Variants in KLC4 observed in about 807,000 individuals in gnomAD.
KLC4 encodes the protein kinesin light chain 4, also known as kinesin-like protein 8.
KLC4 carries 49 observed loss-of-function variants against 77.2 expected under a neutral mutation model. The observed-to-expected ratio is 0.63, with a 90% CI of 0.50 to 0.80. The LOEUF (loss-of-function observed/expected upper bound fraction) is 0.80. Ranked by LOEUF, KLC4 falls within the 30% of genes least tolerant of loss-of-function variation. The pLI, the probability that KLC4 is intolerant of heterozygous loss-of-function variation, is 0.00. For missense variants in KLC4, 669 were observed against 793.5 expected (o/e 0.84, Z 1.89); for synonymous variants, 274 against 314.5 (o/e 0.87, Z 1.36).
At position 43,070,654 on chromosome 6, in the gene KLC4, TATC is replaced by T. The variant is rs369859361; in HGVS notation, c.982-35_982-33del. ...CACGTGTGCTTGTGCACACACATGTTATCATAGCCATTTATCCACTCCTTTGTT... is the reference window on the plus strand; with the variant it reads ...CACGTGTGCTTGTGCACACACATGTTATAGCCATTTATCCACTCCTTTGTT... On this transcript the variant is annotated intron_variant, in intron 7 of 15. Transcript: ENST00000347162. 4,217 of 1,590,274 alleles carry T rather than the reference TATC, an allele frequency of 2.7e-3. 24 individuals are homozygous for T. Among genetic ancestry groups the T allele is most frequent in the African/African-American group, 0.012 (861 of 74,672 alleles).
Position 43,074,948 on chromosome 6 carries a change from G to A in KLC4, c.*276G>A. ...CAAAGCAGGTATGGCCCTCAGAGATGCAGCCTGCTGCTGGCTTTTCAGTCA... is the reference window on the plus strand; with the variant it reads ...CAAAGCAGGTATGGCCCTCAGAGATACAGCCTGCTGCTGGCTTTTCAGTCA... On this transcript the variant is annotated 3_prime_UTR_variant, in exon 16 of 16. Coordinates refer to ENST00000347162, the MANE Select transcript of KLC4 (RefSeq NM_201521.3). The A allele has an allele frequency of 2.3e-6, 1 of 438,590 alleles. No individual in the cohort carries two copies. The highest frequency in any genetic ancestry group is 6.2e-4 in the Middle Eastern group (1 of 1,612). The allele number at this position is 438,590 out of a possible 1,614,324, so 27.2% of individuals were successfully genotyped here. A position where few individuals can be genotyped will look rare whatever the true frequency, so the allele number is the denominator to read the frequency against.
Position 43,067,062 on chromosome 6 carries a change from C to T in KLC4, c.858C>T (p.Thr286=). 6.2e-7 allele frequency: 1 copy of T among 1,614,070 alleles called. No individual in the cohort carries two copies. The highest frequency in any genetic ancestry group is 8.5e-7 in the Non-Finnish European group (1 of 1,179,986). The change falls in exon 6 of 16, where the codon ACC becomes ACT. Residue 286 remains threonine (T), a synonymous_variant. Coordinates refer to ENST00000347162, the MANE Select transcript of KLC4 (RefSeq NM_201521.3). ...ATGCCCTTAGCATCCGGGAGAGCAC[C>T]TTGGGACCTGACCATCCTGCTGTCA... ...LNDALSIRES[T]LGPDHPAVAA...
chr6:43,066,016 C>A (rs1048475918), intron 4 of KLC4, among the ~76,000 whole-genome samples: 1 of 152,196 alleles, frequency 6.6e-6, no homozygotes, highest in African/African-American at 2.4e-5. Context: ...CATGAGCCCC[C>A]CAAGGGAAAG....
Position 43,070,427 on chromosome 6 carries a change from G to A in KLC4, c.953G>A (p.Cys318Tyr). 6.2e-7 allele frequency: 1 copy of A among 1,614,068 alleles called. No homozygotes were observed. The highest frequency in any genetic ancestry group is 8.5e-7 in the Non-Finnish European group (1 of 1,179,894). Residue 318 changes from cysteine (C) to tyrosine (Y), a missense_variant, in exon 7 of 16, where the codon TGC becomes TAC. Physicochemically the swap from Cys to Tyr is radical, Grantham distance 194 (BLOSUM62 -2). Transcript: ENST00000347162. ...RGKYKEAEPL[C>Y]QRALEIREKV... ...AAGTACAAGGAGGCAGAGCCTCTGT[G>A]CCAGCGGGCACTGGAGATTCGAGAA...
chr6:43,073,268 C>T lies in KLC4; in HGVS notation c.1675C>T (p.Arg559Trp), dbSNP rs376910468. 15 of 1,613,928 alleles carry T rather than the reference C, an allele frequency of 9.3e-6. No individual in the cohort carries two copies. The Admixed American group carries it at 1.2e-4, about 13-fold the overall frequency. Residue 559 changes from arginine (R) to tryptophan (W), a missense_variant, in exon 14 of 16, where the codon CGG (arginine) becomes TGG (tryptophan). Coordinates refer to ENST00000347162, the MANE Select transcript of KLC4 (RefSeq NM_201521.3). ...GAGGAGTGGCTCTCTTGGCAAGATC[C>T]GGGATGTGCTCCGCAGAAGCAGTGA... Reference protein sequence around the residue: ...LQRSGSLGKIRDVLRRSSELL... With the variant: ...LQRSGSLGKIWDVLRRSSELL...
chr6:43,066,631 G>A, intron 5 of KLC4, 106 bp downstream of exon 5: 2 of 948,398 alleles, frequency 2.1e-6, no homozygotes, highest in Non-Finnish European at 3.2e-6. Context: ...CCTCCCTGTT[G>A]GGCCTCCCAG....
chr6:43,068,483 A>G (rs1206611445), intron 6 of KLC4, among the ~76,000 whole-genome samples: 2 of 150,524 alleles, frequency 1.3e-5, no homozygotes, highest in Non-Finnish European at 3.0e-5. Flanking sequence ...AAAAAAAAAG[A>G]AAATAAATGA....
At chr6:43,060,088 T>G in intron 1 of KLC4, 1 of 1,539,986 alleles carries the variant, frequency 6.5e-7, no homozygotes, top group Non-Finnish European at 8.8e-7. Flanking sequence ...CGCGGTTCCT[T>G]GCGACCCGGC....
intron 1 of KLC4, chr6:43,060,528 C>G: frequency 1.6e-6 from 2 of 1,288,166 alleles, no homozygotes; most frequent in Non-Finnish European, 2.0e-6. Context: ...GGCAGATCCT[C>G]TGACTCTCTG....
chr6:43,063,756 G>A (rs1170612613), intron 3 of KLC4, among the ~76,000 whole-genome samples: 2 of 151,598 alleles, frequency 1.3e-5, no homozygotes, highest in African/African-American at 4.8e-5. Context: ...GTTTCACCAT[G>A]TTGGCCAGGC....
chr6:43,066,565 C>T lies in KLC4; in HGVS notation c.791+40C>T. The T allele has an allele frequency of 1.9e-6, 3 of 1,548,860 alleles. No homozygotes were observed. The South Asian group carries it at 3.4e-5, about 17-fold the overall frequency. ...CCTCCAGTGCCCAGATCTTCCCCCA[C>T]ATTCCCACCTTGGTCCTCCTTTGGC... On this transcript the variant is annotated intron_variant, in intron 5 of 15. Transcript: ENST00000347162.
At chr6:43,069,210 GAAAATGA>G (rs1371376186) in intron 6 of KLC4, among the ~76,000 whole-genome samples, 1 of 152,110 alleles carries the variant, frequency 6.6e-6, no homozygotes, top group African/African-American at 2.4e-5. Context: ...TCAATGTACA[GAAAATGA>G]AAAATGAAAA....
At chr6:43,070,906 G>C (rs183774045) in intron 8 of KLC4, 41 bp downstream of exon 8, 18 of 710,898 alleles carry the variant, frequency 2.5e-5, no homozygotes, top group Non-Finnish European at 3.5e-5. Flanking sequence ...AAACGGAGAG[G>C]GGGGCACAGA....
At position 43,070,813 on chromosome 6, in the gene KLC4, AGG is replaced by A; in HGVS notation, c.1106_1107del (p.Gly369AlafsTer8). Reference sequence around the variant, plus strand: ...TACCAGCGAGCACTGGCCATCTACGAGGGGCAGCTGGGGCCGGACAACCCTAA... The same window carrying A: ...TACCAGCGAGCACTGGCCATCTACGAGGCAGCTGGGGCCGGACAACCCTAA... On this transcript the variant is annotated frameshift_variant, in exon 8 of 16. Coordinates refer to ENST00000347162, the MANE Select transcript of KLC4 (RefSeq NM_201521.3). LOFTEE classifies it high-confidence loss of function. 6.2e-6 allele frequency: 10 copies of A among 1,609,950 alleles called. No individual in the cohort carries two copies. The highest frequency in any genetic ancestry group is 8.5e-6 in the Non-Finnish European group (10 of 1,178,134).
intron 4 of KLC4, among the ~76,000 whole-genome samples, chr6:43,066,074 T>TA (rs112919842): frequency 0.02 from 2,997 of 152,358 alleles, 92 homozygotes; most frequent in African/African-American, 0.068. Flanking sequence ...CCTTGGTTCA[T>TA]ACTTATTAAA....
chr6:43,071,964 C>G, intron 11 of KLC4, 42 bp downstream of exon 11: 1 of 1,564,768 alleles, frequency 6.4e-7, no homozygotes, highest in East Asian at 2.3e-5. Context: ...CCGATGCCCT[C>G]CATCCAGTCC....
In KLC4 at chr6:43,072,978, T is replaced by A. The variant is rs748755315; in HGVS notation, c.1629+14T>A. 4 of 1,574,090 alleles carry A rather than the reference T, an allele frequency of 2.5e-6. No homozygotes were observed. The highest frequency in any genetic ancestry group is 3.4e-6 in the Non-Finnish European group (4 of 1,162,174). ...GAGTGGTCCGGGGTAAGTCTGATCA[T>A]TGCCTTTTCATCTCTCCTGCCCACT... On this transcript the variant is annotated intron_variant, in intron 13 of 15. Coordinates refer to ENST00000347162, the MANE Select transcript of KLC4 (RefSeq NM_201521.3).
chr6:43,070,292 C>A (rs183657892), intron 6 of KLC4, 62 bp from the exon 7 acceptor site: 4 of 1,176,866 alleles, frequency 3.4e-6, no homozygotes, highest in Non-Finnish European at 5.1e-6. Context: ...GGTGGGGAAC[C>A]TCAGATTCCC....
rs1765376619 is a variant in KLC4 at position 43,065,553 on chromosome 6, A to AG, written c.490-63dup. 3.9e-6 allele frequency: 4 copies of AG among 1,021,210 alleles called. No individual in the cohort carries two copies. In the South Asian group the frequency reaches 5.2e-5, roughly 13 times the overall value. 63.3% of individuals were successfully genotyped at this position (1,021,210 alleles called of 1,614,324 possible). On this transcript the variant is annotated intron_variant, in intron 3 of 15. Coordinates refer to ENST00000347162, the MANE Select transcript of KLC4 (RefSeq NM_201521.3). ...ATCTGTCTGTGATTTCATGGCTTAG[A>AG]GGGGTCACTGAGAAGGCTACTAGGT...
Sources: allele counts gnomAD v4.1 joint callset (sites outside exome capture counted in the v4.1 genomes callset), GRCh38; gene constraint gnomAD v4.1.1; transcripts MANE v1.5; gene names NCBI Gene and HGNC (gene_info 2026-07-23, HGNC 2026-07-21).